The following ITGA9 variants were observed in gnomAD, a reference collection of about 807,000 sequenced individuals.
ITGA9 encodes integrin subunit alpha 9.
Under a neutral mutation model 127.8 loss-of-function variants are expected in ITGA9, and 56 were observed. The observed-to-expected ratio is 0.44, with a 90% CI of 0.35 to 0.55. The LOEUF (loss-of-function observed/expected upper bound fraction) is 0.55. ITGA9 is among the 20% of genes least tolerant of loss of function. ITGA9 has a pLI of 0.00. For missense variants in ITGA9, 1,196 were observed against 1,347.1 expected (o/e 0.89, Z 1.76); for synonymous variants, 508 against 514.5 (o/e 0.99, Z 0.17).
intron 15 of ITGA9, among the ~76,000 whole-genome samples, chr3:37,594,760 A>G (rs1699853129): frequency 6.6e-6 from 1 of 152,212 alleles, no homozygotes; most frequent in Non-Finnish European, 1.5e-5. Context: ...ACTTCACTTA[A>G]TAAGTGCCAT....
At chr3:37,622,832 CAAA>C (rs982804010) in intron 15 of ITGA9, among the ~76,000 whole-genome samples, 5 of 143,800 alleles carry the variant, frequency 3.5e-5, no homozygotes, top group Non-Finnish European at 7.6e-5. Flanking sequence ...GAAACTCTGT[CAAA>C]AAAAAAATGC....
intron 18 of ITGA9, among the ~76,000 whole-genome samples, chr3:37,713,953 G>A (rs1701105913): frequency 6.6e-6 from 1 of 152,192 alleles, no homozygotes; most frequent in Admixed American, 6.5e-5. Context: ...TCCTCCCCTG[G>A]TAGAAATGCT....
At chr3:37,705,397 G>T (rs1433287741) in intron 18 of ITGA9, among the ~76,000 whole-genome samples, 2 of 152,208 alleles carry the variant, frequency 1.3e-5, no homozygotes, top group Non-Finnish European at 1.5e-5. Flanking sequence ...AGGCCTAAAA[G>T]GTTGCATGTT....
chr3:37,743,343 A>T (rs1023433990), intron 21 of ITGA9, among the ~76,000 whole-genome samples: 1 of 152,214 alleles, frequency 6.6e-6, no homozygotes, highest in African/African-American at 2.4e-5. Flanking sequence ...ATGTGTTCAT[A>T]TAAGCAACAT....
chr3:37,538,716 C>T (rs933400405), intron 14 of ITGA9, among the ~76,000 whole-genome samples: 8 of 152,334 alleles, frequency 5.3e-5, no homozygotes, highest in South Asian at 2.1e-4. Flanking sequence ...CTGCCAGTTC[C>T]GCTCAGGGCT....
chr3:37,592,577 G>A (rs1196927489), intron 15 of ITGA9, among the ~76,000 whole-genome samples: 2 of 152,180 alleles, frequency 1.3e-5, no homozygotes, highest in African/African-American at 4.8e-5. Flanking sequence ...TCCAGGCTGG[G>A]CACCACCTTG....
intron 16 of ITGA9, 55 bp from the exon 17 acceptor site, chr3:37,653,659 G>T: frequency 4.0e-6 from 5 of 1,246,760 alleles, no homozygotes; most frequent in Non-Finnish European, 5.9e-6. Flanking sequence ...TGGCCACTGT[G>T]TACTCGTTTG....
Position 37,784,983 on chromosome 3 carries a change from T to A in ITGA9, c.2794T>A (p.Ser932Thr). The A allele has an allele frequency of 6.2e-7, 1 of 1,613,438 alleles. No homozygotes were observed. The highest frequency in any genetic ancestry group is 8.5e-7 in the Non-Finnish European group (1 of 1,179,340). The stretch of plus-strand genomic sequence containing the variant: ...TGTGTTGTTTCTTCCACAGGACAGT[T>A]CGTCTGTCATCCAGTTCATGTCCCG... The part of the protein sequence containing the change: ...LNTEILKKDS[S>T]SVIQFMSRAK... Residue 932 changes from serine to threonine, a missense_variant, in exon 26 of 28, where the codon TCG becomes ACG. Coordinates refer to ENST00000264741, the MANE Select transcript of ITGA9 (RefSeq NM_002207.3).
At chr3:37,488,481 A>G (rs1457879766) in intron 4 of ITGA9, among the ~76,000 whole-genome samples, 5 of 152,176 alleles carry the variant, frequency 3.3e-5, no homozygotes, top group Non-Finnish European at 7.3e-5. Context: ...TAAAGATTAC[A>G]AAACTCCTTT....
At chr3:37,507,710 A>G (rs1445816922) in intron 7 of ITGA9, among the ~76,000 whole-genome samples, 1 of 152,148 alleles carries the variant, frequency 6.6e-6, no homozygotes, top group Non-Finnish European at 1.5e-5. Context: ...CCACATTCCC[A>G]GGGATTGGGG....
At chr3:37,783,125 C>T (rs900663386) in intron 25 of ITGA9, among the ~76,000 whole-genome samples, 3 of 151,264 alleles carry the variant, frequency 2.0e-5, no homozygotes, top group Non-Finnish European at 4.4e-5. Context: ...GGCAACAGAG[C>T]GAGACTCTGT....
intron 17 of ITGA9, among the ~76,000 whole-genome samples, chr3:37,660,010 A>G (rs913893331): frequency 1.4e-4 from 21 of 151,462 alleles, no homozygotes; most frequent in Non-Finnish European, 1.6e-4. Flanking sequence ...ACACGCACAC[A>G]CACACACACA....
intron 15 of ITGA9, among the ~76,000 whole-genome samples, chr3:37,580,393 T>A (rs1699698672): frequency 6.6e-6 from 1 of 152,234 alleles, no homozygotes; most frequent in Admixed American, 6.5e-5. Flanking sequence ...GCCAGACTTC[T>A]CAGTCGGAAA....
At chr3:37,492,051 C>T (rs917964174) in intron 4 of ITGA9, among the ~76,000 whole-genome samples, 1 of 152,176 alleles carries the variant, frequency 6.6e-6, no homozygotes, top group African/African-American at 2.4e-5. Context: ...CCAGGCCCCA[C>T]AACTGCCCCC....
At chr3:37,737,578 G>T (rs1256415344) in intron 20 of ITGA9, among the ~76,000 whole-genome samples, 4 of 152,180 alleles carry the variant, frequency 2.6e-5, no homozygotes, top group Non-Finnish European at 4.4e-5. Context: ...GAGTGCCTGT[G>T]GGGGCTTCTG....
intron 16 of ITGA9, among the ~76,000 whole-genome samples, chr3:37,648,951 T>TG (rs1559557803): frequency 6.7e-6 from 1 of 150,012 alleles, no homozygotes; most frequent in South Asian, 2.1e-4. Flanking sequence ...GCATGTAACT[T>TG]GGGGGGAGCA....
At chr3:37,555,074 G>A (rs1048436357) in intron 15 of ITGA9, among the ~76,000 whole-genome samples, 7 of 152,168 alleles carry the variant, frequency 4.6e-5, no homozygotes, top group Non-Finnish European at 1.0e-4. Context: ...AACACTAAGA[G>A]CATCTTTTCC....
chr3:37,664,545 C>T (rs774695433), intron 17 of ITGA9, among the ~76,000 whole-genome samples: 8 of 151,606 alleles, frequency 5.3e-5, no homozygotes, highest in East Asian at 3.9e-4. Context: ...CTCAGCCTCC[C>T]GAGTAGCTGG....
intron 15 of ITGA9, among the ~76,000 whole-genome samples, chr3:37,575,739 GA>G (rs574654816): frequency 1.7e-3 from 256 of 152,270 alleles, no homozygotes; most frequent in African/African-American, 5.8e-3. Flanking sequence ...TGACCCACGT[GA>G]AAAAGGATGG....
Sources: allele counts gnomAD v4.1 joint callset (sites outside exome capture counted in the v4.1 genomes callset), GRCh38; gene constraint gnomAD v4.1.1; transcripts MANE v1.5; gene names NCBI Gene and HGNC (gene_info 2026-07-23, HGNC 2026-07-21).